Variants in VPS13D observed in about 807,000 individuals in gnomAD.
The protein encoded by VPS13D is intermembrane lipid transfer protein VPS13D.
Under a neutral mutation model 461.9 loss-of-function variants are expected in VPS13D, and 187 were observed. That is an observed-to-expected ratio of 0.40 (90% CI 0.36 to 0.46). The LOEUF is 0.46. VPS13D is among the 20% of genes least tolerant of loss of function. The pLI is 0.60. For synonymous variants in VPS13D, 1,951 were observed against 1,986.3 expected, an observed-to-expected ratio of 0.98 and a Z score of 0.47; for missense variants, 4,711 against 5,364.9, an observed-to-expected ratio of 0.88 and a Z score of 3.81.
intron 21 of VPS13D, among the ~76,000 whole-genome samples, chr1:12,286,097 C>T (rs1405757319): frequency 2.0e-5 from 3 of 146,644 alleles, no homozygotes; most frequent in Non-Finnish European, 3.0e-5. Context: ...TCCTTCTTTT[C>T]GAAGGAGTCT....
At chr1:12,471,525 T>TTTCTTCAATG (rs1006386571) in intron 67 of VPS13D, among the ~76,000 whole-genome samples, 1 of 152,230 alleles carries the variant, frequency 6.6e-6, no homozygotes, top group African/African-American at 2.4e-5. Flanking sequence ...CTTTGGGCTG[T>TTTCTTCAATG]TTCTTCAATG....
intron 63 of VPS13D, among the ~76,000 whole-genome samples, chr1:12,412,104 C>T (rs1644737686): frequency 6.6e-6 from 1 of 152,102 alleles, no homozygotes; most frequent in African/African-American, 2.4e-5. Context: ...ATAAACCCAA[C>T]CAAAGACGTA....
chr1:12,419,898 A>G (rs1275601222), intron 65 of VPS13D, among the ~76,000 whole-genome samples: 2 of 152,186 alleles, frequency 1.3e-5, no homozygotes, highest in Non-Finnish European at 2.9e-5. Context: ...CCTATTCCAC[A>G]CCTCGGCTAT....
At chr1:12,390,148 A>G (rs2101661773) in intron 60 of VPS13D, among the ~76,000 whole-genome samples, 1 of 152,338 alleles carries the variant, frequency 6.6e-6, no homozygotes, top group East Asian at 1.9e-4. Context: ...TGTTGCAGGA[A>G]CAGAAAGCAA....
chr1:12,355,946 C>T lies in VPS13D; in HGVS notation c.9727C>T (p.Pro3243Ser). 1.2e-6 allele frequency: 2 copies of T among 1,611,388 alleles called. No individual in the cohort carries two copies. Among genetic ancestry groups the T allele is most frequent in the Non-Finnish European group, 1.7e-6 (2 of 1,178,244 alleles). The change falls in exon 48 of 70, where the codon CCT becomes TCT. Residue 3243 changes from proline to serine, a missense_variant. Pro to Ser is a moderately conservative substitution (Grantham distance 74). Transcript: ENST00000620676. ...FPLCKELLIP[P>S]GTQNYMVRMR... Reference sequence around the variant, plus strand: ...CCTCTGTAAAGAATTGCTCATTCCACCTGGAACCCAAAACTATATGGTGAG... The same window carrying T: ...CCTCTGTAAAGAATTGCTCATTCCATCTGGAACCCAAAACTATATGGTGAG...
chr1:12,248,985 A>G (rs1017862784), intron 5 of VPS13D, among the ~76,000 whole-genome samples: 5 of 152,180 alleles, frequency 3.3e-5, no homozygotes, highest in Non-Finnish European at 7.3e-5. Flanking sequence ...ACATATTATA[A>G]CATAACATAA....
chr1:12,467,391 C>T (rs1645501870), intron 67 of VPS13D, among the ~76,000 whole-genome samples: 1 of 152,146 alleles, frequency 6.6e-6, no homozygotes, highest in South Asian at 2.1e-4. Flanking sequence ...AGGCCGGTCT[C>T]GAACTCCTGA....
At chr1:12,359,233 G>A (rs1488476127) in intron 50 of VPS13D, among the ~76,000 whole-genome samples, 3 of 152,206 alleles carry the variant, frequency 2.0e-5, no homozygotes, top group Non-Finnish European at 2.9e-5. Context: ...AAAGGGTTAA[G>A]ATAATTTGAT....
rs3806244 is a variant in VPS13D at position 12,311,793 on chromosome 1, C to T, written c.6823-20C>T. 283 of 1,606,364 alleles carry T rather than the reference C, an allele frequency of 1.8e-4. 1 individual carries two copies. Among genetic ancestry groups the T allele is most frequent in the South Asian group, 1.1e-3 (97 of 90,468 alleles). ...GATGGCATCATCAGCTGTGGATTGA[C>T]GAGCATTTTCCTTTTGTAGACTGTC... On this transcript the variant is annotated intron_variant, in intron 28 of 69. Coordinates refer to ENST00000620676, the MANE Select transcript of VPS13D (RefSeq NM_015378.4).
chr1:12,458,176 G>A (rs563081360), intron 66 of VPS13D, among the ~76,000 whole-genome samples: 1 of 152,324 alleles, frequency 6.6e-6, no homozygotes, highest in South Asian at 2.1e-4. Flanking sequence ...GATCCACTGA[G>A]CTCTGGGTTA....
intron 36 of VPS13D, among the ~76,000 whole-genome samples, chr1:12,328,817 G>A (rs898923612): frequency 6.6e-6 from 1 of 152,216 alleles, no homozygotes; most frequent in African/African-American, 2.4e-5. Flanking sequence ...GGGATTACAG[G>A]CATGAGCCAC....
Position 12,308,572 on chromosome 1 carries a change from G to A in VPS13D, c.6581G>A (p.Arg2194Gln), listed in dbSNP as rs774761528. The change falls in exon 27 of 70, where the codon CGA becomes CAA. Residue 2194 changes from arginine to glutamine, a missense_variant. Physicochemically the swap from Arg to Gln is conservative, Grantham distance 43. Coordinates refer to ENST00000620676, the MANE Select transcript of VPS13D (RefSeq NM_015378.4). ...GDLIFPSYFV[R>Q]QTGGSLLTEP... ...CTGATCTTCCCTTCCTATTTTGTGC[G>A]ACAGACAGGAGGAAGCCTCTTAACC... The A allele has an allele frequency of 1.1e-5, 17 of 1,613,408 alleles. No individual in the cohort carries two copies. Among genetic ancestry groups the A allele is most frequent in the Non-Finnish European group, 1.3e-5 (15 of 1,179,810 alleles).
At chr1:12,494,611 A>G (rs1645931549) in intron 67 of VPS13D, among the ~76,000 whole-genome samples, 1 of 152,158 alleles carries the variant, frequency 6.6e-6, no homozygotes, top group African/African-American at 2.4e-5. Flanking sequence ...GACTTCAGCA[A>G]GTTTTCTCCT....
At chr1:12,349,076 T>C in intron 45 of VPS13D, 88 bp from the exon 46 acceptor site, 1 of 1,610,172 alleles carries the variant, frequency 6.2e-7, no homozygotes, top group South Asian at 1.1e-5. Flanking sequence ...AGTCAGTATA[T>C]ATGGTCTGTC....
chr1:12,302,537 GA>G (rs879247271), intron 25 of VPS13D, among the ~76,000 whole-genome samples: 3 of 152,100 alleles, frequency 2.0e-5, no homozygotes, highest in Non-Finnish European at 4.4e-5. Flanking sequence ...GTGTTTTAAT[GA>G]AAAAAATTTC....
At chr1:12,336,704 G>A (rs1643459321) in intron 39 of VPS13D, 1 of 152,214 alleles carries the variant, frequency 6.6e-6, no homozygotes, top group Admixed American at 6.5e-5. Flanking sequence ...TCTAGAAAGA[G>A]ACACAAAGAA....
chr1:12,421,787 C>A (rs1644867420), intron 65 of VPS13D, among the ~76,000 whole-genome samples: 1 of 152,170 alleles, frequency 6.6e-6, no homozygotes, highest in Non-Finnish European at 1.5e-5. Flanking sequence ...CACTTTCAGT[C>A]ATCACTAATG....
In VPS13D at chr1:12,276,342, T is replaced by C. The variant is rs973471421; in HGVS notation, c.2754T>C (p.Phe918=). The C allele has an allele frequency of 5.6e-6, 9 of 1,614,018 alleles. No homozygotes were observed. The African/African-American group carries it at 6.7e-5, about 12-fold the overall frequency. Residue 918 remains phenylalanine, a synonymous_variant, in exon 19 of 70, where the codon TTT becomes TTC. Transcript: ENST00000620676. The surrounding 1 kb of genome is among the most constrained non-coding windows in gnomAD (Gnocchi z 4.5). ...TSDTQIKEKI[F]PQEEQRGSLQ... is the part of the protein sequence containing the mutation. Reference sequence around the variant, plus strand: ...ACACTCAGATTAAAGAAAAGATTTTTCCCCAGGAGGAGCAGCGGGGAAGTT... The same window carrying C: ...ACACTCAGATTAAAGAAAAGATTTTCCCCCAGGAGGAGCAGCGGGGAAGTT...
intron 67 of VPS13D, among the ~76,000 whole-genome samples, chr1:12,483,776 G>A (rs1645756020): frequency 6.6e-6 from 1 of 151,848 alleles, no homozygotes. Flanking sequence ...GAGGTGGGCG[G>A]ATCACGAGGT....
Sources: allele counts gnomAD v4.1 joint callset (sites outside exome capture counted in the v4.1 genomes callset), GRCh38; gene constraint gnomAD v4.1.1; non-coding constraint Gnocchi (gnomAD v3.1); transcripts MANE v1.5; gene names NCBI Gene and HGNC (gene_info 2026-07-23, HGNC 2026-07-21).